The following UGGT2 variants were observed in gnomAD, a reference collection of about 807,000 sequenced individuals.
UGGT2 encodes UDP-glucose:glycoprotein glucosyltransferase 2.
A neutral mutation model predicts 192.1 loss-of-function variants in UGGT2; 180 were observed. The observed-to-expected ratio is 0.94, with a 90% confidence interval of 0.83 to 1.06. The LOEUF is 1.06. Ranked by LOEUF, UGGT2 falls within the 50% of genes least tolerant of loss-of-function variation. UGGT2 has a pLI of 0.00. For missense variants in UGGT2, 1,849 were observed against 1,795.7 expected (o/e 1.03, Z -0.54); for synonymous variants, 580 against 591.0 (o/e 0.98, Z 0.27).
chr13:95,903,274 A>T (rs2048165334), intron 20 of UGGT2, among the ~76,000 whole-genome samples: 1 of 152,156 alleles, frequency 6.6e-6, no homozygotes, highest in African/African-American at 2.4e-5. Flanking sequence ...TTGCATAATG[A>T]TTCATTTGTA....
intron 38 of UGGT2, among the ~76,000 whole-genome samples, chr13:95,818,106 A>G (rs1885094443): frequency 6.6e-6 from 1 of 152,148 alleles, no homozygotes; most frequent in African/African-American, 2.4e-5. Context: ...AGGGAGTTCC[A>G]GAACAGCCCC....
intron 20 of UGGT2, among the ~76,000 whole-genome samples, chr13:95,907,862 C>T (rs1172254146): frequency 6.6e-6 from 1 of 152,174 alleles, no homozygotes. Context: ...CGCAGCTCCT[C>T]GCCAGCAACA....
chr13:95,962,086 A>G (rs2050411203), intron 12 of UGGT2, among the ~76,000 whole-genome samples: 2 of 152,206 alleles, frequency 1.3e-5, no homozygotes, highest in Admixed American at 1.3e-4. Context: ...TAGCAAAAGC[A>G]GTGCCAATAA....
intron 36 of UGGT2, among the ~76,000 whole-genome samples, chr13:95,846,964 G>A (rs1305351982): frequency 2.0e-5 from 3 of 151,234 alleles, no homozygotes. Context: ...GATCAGTCTA[G>A]ATAGAGGTTC....
intron 20 of UGGT2, among the ~76,000 whole-genome samples, chr13:95,916,172 C>G (rs1365314029): frequency 1.3e-5 from 2 of 152,146 alleles, no homozygotes; most frequent in Admixed American, 6.5e-5. Flanking sequence ...GTCTGTACCC[C>G]CCTAGGACAG....
chr13:95,891,976 C>T (rs61972903), intron 24 of UGGT2, among the ~76,000 whole-genome samples: 3,865 of 152,234 alleles, frequency 0.025, 61 homozygotes, highest in Non-Finnish European at 0.034. Flanking sequence ...AGTCAGACAA[C>T]AGACCTTAAT....
Position 95,856,247 on chromosome 13 carries a change from G to A in UGGT2, c.3919C>T (p.Gln1307Ter), listed in dbSNP as rs1162402055. The change falls in exon 34 of 39, where the codon CAG becomes TAG. Residue 1307 changes from glutamine (Q) to a stop codon, truncating the protein, a stop_gained. Coordinates refer to ENST00000376747, the MANE Select transcript of UGGT2 (RefSeq NM_020121.4). LOFTEE classifies it high-confidence loss of function. ...PRWLRQQTER[Q>*]RIIWGYKILF... ...ATTTTGTAACCCCAAATAATCCTCT[G>A]TCTTTCAGTCTGTTGACGAAGCCAA... The A allele has an allele frequency of 6.2e-7, 1 of 1,613,632 alleles. No individual in the cohort carries two copies.
At chr13:95,949,532 TGATA>T (rs1168478680) in intron 12 of UGGT2, 78 bp from the exon 13 acceptor site, 1 of 1,287,002 alleles carries the variant, frequency 7.8e-7, no homozygotes, top group African/African-American at 1.5e-5. Flanking sequence ...TACTATATCG[TGATA>T]AATAAAAATA....
intron 17 of UGGT2, among the ~76,000 whole-genome samples, chr13:95,934,797 C>T (rs1338572229): frequency 6.6e-6 from 1 of 152,172 alleles, no homozygotes; most frequent in African/African-American, 2.4e-5. Flanking sequence ...GCATGAACCA[C>T]CATTTCTGGC....
chr13:95,861,576 A>G (rs970613751), intron 31 of UGGT2, among the ~76,000 whole-genome samples: 1 of 152,192 alleles, frequency 6.6e-6, no homozygotes, highest in Non-Finnish European at 1.5e-5. Context: ...TTTCATATAT[A>G]AAAATGACTG....
At chr13:95,994,224 A>G (rs934436178) in intron 7 of UGGT2, among the ~76,000 whole-genome samples, 9 of 152,138 alleles carry the variant, frequency 5.9e-5, no homozygotes, top group Non-Finnish European at 1.2e-4. Context: ...CAAATTTATC[A>G]TATGAAAAGT....
chr13:95,842,364 ATTG>A (rs1480238455), intron 36 of UGGT2, among the ~76,000 whole-genome samples: 3 of 152,182 alleles, frequency 2.0e-5, no homozygotes, highest in African/African-American at 4.8e-5. Context: ...ATGGATCAGC[ATTG>A]TTATTTTTAG....
At chr13:96,008,125 G>C (rs9556516) in intron 5 of UGGT2, among the ~76,000 whole-genome samples, 1 of 151,898 alleles carries the variant, frequency 6.6e-6, no homozygotes, top group Non-Finnish European at 1.5e-5. Context: ...CATTGGTCTG[G>C]GCAAAAATGT....
At chr13:95,899,337 G>T (rs2048036765) in intron 22 of UGGT2, among the ~76,000 whole-genome samples, 2 of 152,136 alleles carry the variant, frequency 1.3e-5, no homozygotes, top group South Asian at 4.1e-4. Flanking sequence ...GCTGTTTGTT[G>T]TCTCTCTCTA....
At chr13:95,958,732 G>T (rs1315914456) in intron 12 of UGGT2, among the ~76,000 whole-genome samples, 1 of 152,052 alleles carries the variant, frequency 6.6e-6, no homozygotes, top group Non-Finnish European at 1.5e-5. Context: ...GAGCACACTG[G>T]AATTCACCAG....
intron 4 of UGGT2, among the ~76,000 whole-genome samples, chr13:96,018,700 A>G (rs953599861): frequency 1.3e-5 from 2 of 151,698 alleles, no homozygotes; most frequent in African/African-American, 4.8e-5. Context: ...ATCACATAGT[A>G]AAGAAAGGCA....
intron 12 of UGGT2, among the ~76,000 whole-genome samples, chr13:95,957,521 G>A (rs1023085155): frequency 6.6e-6 from 1 of 152,174 alleles, no homozygotes; most frequent in Non-Finnish European, 1.5e-5. Flanking sequence ...GCAGAGAAGG[G>A]AGGCACACCG....
At chr13:95,808,108 C>T (rs1242865089) in intron 38 of UGGT2, among the ~76,000 whole-genome samples, 1 of 152,048 alleles carries the variant, frequency 6.6e-6, no homozygotes, top group Non-Finnish European at 1.5e-5. Context: ...TGCCCAATAT[C>T]AAAAGAACTT....
intron 29 of UGGT2, among the ~76,000 whole-genome samples, chr13:95,869,156 C>T (rs1376681599): frequency 6.6e-5 from 10 of 151,130 alleles, no homozygotes; most frequent in African/African-American, 1.7e-4. Context: ...TTTGTCCTTG[C>T]GATAGTTTGC....
Sources: gnomAD v4.1 joint callset for allele counts (sites outside exome capture counted in the v4.1 genomes callset) on GRCh38, gnomAD v4.1.1 for gene constraint, MANE v1.5 for transcripts, NCBI Gene and HGNC (gene_info 2026-07-23, HGNC 2026-07-21) for gene names.